Variants in RNASE10 observed in about 807,000 individuals in gnomAD.
RNASE10 encodes the protein inactive ribonuclease-like protein 10.
A neutral mutation model predicts 1.1 loss-of-function variants in RNASE10; 2 were observed. The ratio of observed to expected loss-of-function variants is 1.82; its 90% CI spans 0.74 to 5.73. RNASE10 has a LOEUF of 5.73. Ranked by LOEUF, RNASE10 falls within the 30% of genes most tolerant of loss-of-function variation. The pLI, the probability that RNASE10 is intolerant of heterozygous loss-of-function variation, is 0.05. For synonymous variants in RNASE10, 97 were observed against 96.2 expected (o/e 1.01, Z -0.05); for missense variants, 276 against 263.4 (o/e 1.05, Z -0.33).
At chr14:20,511,547 A>G (rs888611788), downstream of RNASE10, among the ~76,000 whole-genome samples, 1 of 152,088 alleles carries the variant, frequency 6.6e-6, no homozygotes, top group African/African-American at 2.4e-5. Context: ...GCACTTCTCT[A>G]TTGCGGATGA....
At chr14:20,504,940 C>T (rs369582988), upstream of RNASE10, among the ~76,000 whole-genome samples, 1 of 152,012 alleles carries the variant, frequency 6.6e-6, no homozygotes, top group South Asian at 2.1e-4. Context: ...CACACCACTG[C>T]GAGGCTCCAA....
intron 1 of RNASE10, among the ~76,000 whole-genome samples, chr14:20,506,773 A>G (rs1882741732): frequency 1.8e-5 from 2 of 108,210 alleles, no homozygotes; most frequent in Admixed American, 9.5e-5. Context: ...GGGGGGGGTC[A>G]GCCCCCCGCC....
intron 1 of RNASE10, among the ~76,000 whole-genome samples, chr14:20,507,841 G>A (rs1299320393): frequency 1.3e-5 from 2 of 151,706 alleles, no homozygotes; most frequent in South Asian, 2.1e-4. Context: ...TCAACTTCCT[G>A]GGCTCCAACC....
chr14:20,505,737 C>G, exon 1 of RNASE10: 1 of 104,714 alleles, frequency 9.5e-6, no homozygotes, highest in Non-Finnish European at 1.7e-5. Flanking sequence ...GGCCGCCACC[C>G]CGTCTGGGAA....
At chr14:20,507,131 G>A (rs1295116852) in intron 1 of RNASE10, among the ~76,000 whole-genome samples, 1 of 148,812 alleles carries the variant, frequency 6.7e-6, no homozygotes, top group Non-Finnish European at 1.5e-5. Flanking sequence ...GGCTCATTGG[G>A]GATGGGCCAT....
upstream of RNASE10, among the ~76,000 whole-genome samples, chr14:20,504,972 G>A (rs956164747): frequency 2.6e-5 from 4 of 152,000 alleles, no homozygotes; most frequent in Non-Finnish European, 4.4e-5. Flanking sequence ...CGTGTATCCA[G>A]CGAATACAAC....
At chr14:20,506,235 G>C (rs1882710613) in intron 1 of RNASE10, among the ~76,000 whole-genome samples, 1 of 133,624 alleles carries the variant, frequency 7.5e-6, no homozygotes, top group Non-Finnish European at 1.7e-5. Flanking sequence ...GAGGTGAGGG[G>C]CTCCTCTGCC....
chr14:20,511,511 A>T (rs1438757375), downstream of RNASE10, among the ~76,000 whole-genome samples: 1 of 152,178 alleles, frequency 6.6e-6, no homozygotes, highest in Admixed American at 6.5e-5. Context: ...CAACAATCAC[A>T]TAAGACTCTT....
At chr14:20,506,616 T>C (rs886403359) in intron 1 of RNASE10, among the ~76,000 whole-genome samples, 2 of 66,248 alleles carry the variant, frequency 3.0e-5, no homozygotes, top group African/African-American at 7.9e-5. Context: ...GGGAGGGAGG[T>C]GGGGGGATCA....
chr14:20,506,653 C>T (rs1225158881), intron 1 of RNASE10, among the ~76,000 whole-genome samples: 1 of 102,884 alleles, frequency 9.7e-6, no homozygotes, highest in African/African-American at 4.3e-5. Context: ...GCCGCCCAGT[C>T]CAGGAGGGAG....
chr14:20,505,092 G>A (rs1042917569), upstream of RNASE10, among the ~76,000 whole-genome samples: 1 of 151,920 alleles, frequency 6.6e-6, no homozygotes, highest in Non-Finnish European at 1.5e-5. Context: ...GGTTCTACAA[G>A]TTATGGTGCT....
chr14:20,506,519 GC>G (rs1463061819), intron 1 of RNASE10, among the ~76,000 whole-genome samples: 1 of 122,640 alleles, frequency 8.2e-6, no homozygotes, highest in African/African-American at 3.3e-5. Flanking sequence ...CCGGCCAGCC[GC>G]CCTATCCAGG....
At position 20,510,490 on chromosome 14, in the gene RNASE10, C is replaced by T. The variant is rs1378390539; in HGVS notation, c.103C>T (p.Gln35Ter). ...AGGCAAAATGAAGCTGAATCTGGTG[C>T]AGATCTTTTTCATGTTGCTGATGCT... Residue 35 changes from glutamine to a stop codon, truncating the protein, a stop_gained, in exon 2 of 2, where the codon CAG (glutamine) becomes TAG (stop). Transcript: ENST00000430083. LOFTEE classifies it low-confidence loss of function (END_TRUNC). 1 of 1,610,796 alleles carries T rather than the reference C, an allele frequency of 6.2e-7. No individual in the cohort carries two copies. The highest frequency in any genetic ancestry group is 8.5e-7 in the Non-Finnish European group (1 of 1,179,082).
exon 2 of RNASE10, chr14:20,510,947 G>T: frequency 6.2e-7 from 1 of 1,609,048 alleles, no homozygotes. Context: ...GTCATTGCCT[G>T]TGAGCTCAAG....
chr14:20,505,269 TCCCTCTCCCTCTCCCTCTCC>T (rs1566535846), upstream of RNASE10, among the ~76,000 whole-genome samples: 10 of 10,948 alleles, frequency 9.1e-4, no homozygotes, highest in Admixed American at 1.5e-3. Context: ...TTGCTCCCTC[TCCCTCTCCCTCTCCCTCTCC>T]CTCTCCCTCT....
intron 1 of RNASE10, among the ~76,000 whole-genome samples, chr14:20,509,523 C>T (rs1219894580): frequency 6.6e-6 from 1 of 152,210 alleles, no homozygotes; most frequent in Non-Finnish European, 1.5e-5. Flanking sequence ...GTAGCTTTAG[C>T]AGGGGCCTGA....
chr14:20,505,056 T>C (rs1411394975), upstream of RNASE10, among the ~76,000 whole-genome samples: 1 of 151,920 alleles, frequency 6.6e-6, no homozygotes, highest in African/African-American at 2.4e-5. Flanking sequence ...TCACTGAATG[T>C]GAATCCTGAA....
At chr14:20,506,276 A>T (rs61994222) in intron 1 of RNASE10, among the ~76,000 whole-genome samples, 1 of 95,306 alleles carries the variant, frequency 1.0e-5, no homozygotes, top group Non-Finnish European at 2.1e-5. Flanking sequence ...TGAGGAGCCC[A>T]TCTGCCCGGC....
upstream of RNASE10, among the ~76,000 whole-genome samples, chr14:20,505,273 T>C (rs1162799802): frequency 1.1e-4 from 1 of 9,182 alleles, no homozygotes; most frequent in African/African-American, 8.5e-4. Flanking sequence ...TCCCTCTCCC[T>C]CTCCCTCTCC....
Sources: gnomAD v4.1 joint callset for allele counts (sites outside exome capture counted in the v4.1 genomes callset) on GRCh38, gnomAD v4.1.1 for gene constraint, MANE v1.5 for transcripts, NCBI Gene and HGNC (gene_info 2026-07-23, HGNC 2026-07-21) for gene names.